NGF: variants seen among roughly 807,000 people sequenced by gnomAD.
The protein encoded by NGF is beta-nerve growth factor.
NGF carries 4 observed loss-of-function variants against 12.8 expected under a neutral mutation model. The observed-to-expected ratio is 0.31, with a 90% CI of 0.15 to 0.72. The LOEUF is 0.72. Ranked by LOEUF, NGF falls within the 30% of genes least tolerant of loss-of-function variation. The pLI, the probability that NGF is intolerant of heterozygous loss-of-function variation, is 0.69. For synonymous variants in NGF, 140 were observed against 130.0 expected (o/e 1.08, Z -0.52); for missense variants, 283 against 330.8 (o/e 0.86, Z 1.12).
chr1:115,321,723 G>A (rs902656143), intron 1 of NGF, among the ~76,000 whole-genome samples: 4 of 152,000 alleles, frequency 2.6e-5, no homozygotes, highest in South Asian at 4.2e-4. Flanking sequence ...AGGCCACAGG[G>A]TCATAAAAGA....
chr1:115,312,525 G>T (rs1654361675), intron 1 of NGF, among the ~76,000 whole-genome samples: 1 of 152,212 alleles, frequency 6.6e-6, no homozygotes, highest in Non-Finnish European at 1.5e-5. Flanking sequence ...TGTCAGCAAT[G>T]GAGGGGTCAC....
intron 1 of NGF, among the ~76,000 whole-genome samples, chr1:115,331,203 A>G (rs1458917914): frequency 6.6e-6 from 1 of 152,208 alleles, no homozygotes; most frequent in African/African-American, 2.4e-5. Flanking sequence ...ATTGCCCTCA[A>G]AAATCAGTTG....
intron 1 of NGF, among the ~76,000 whole-genome samples, chr1:115,301,526 A>C (rs767843641): frequency 6.6e-6 from 1 of 152,166 alleles, no homozygotes; most frequent in Non-Finnish European, 1.5e-5. Context: ...ATCTGGGTGC[A>C]GAAGAGAAAG....
At chr1:115,299,862 A>G (rs1166502883) in intron 1 of NGF, among the ~76,000 whole-genome samples, 2 of 152,160 alleles carry the variant, frequency 1.3e-5, no homozygotes, top group African/African-American at 4.8e-5. Context: ...TCCCATACTT[A>G]GGACTAATAG....
At chr1:115,289,693 T>G (rs1653624153) in intron 2 of NGF, among the ~76,000 whole-genome samples, 1 of 152,236 alleles carries the variant, frequency 6.6e-6, no homozygotes, top group Admixed American at 6.5e-5. Context: ...AGCCCCATTT[T>G]GGACCATTTG....
intron 2 of NGF, 99 bp from the exon 3 acceptor site, chr1:115,286,906 G>T: frequency 6.9e-7 from 1 of 1,441,376 alleles, no homozygotes. Context: ...AGGGGATCAC[G>T]AAGAGGTTTC....
intron 1 of NGF, among the ~76,000 whole-genome samples, chr1:115,295,012 T>C (rs955728362): frequency 6.6e-6 from 1 of 152,208 alleles, no homozygotes; most frequent in African/African-American, 2.4e-5. Flanking sequence ...AGTTCTAGAA[T>C]GACATCTTAA....
At chr1:115,333,677 C>G (rs1557949140) in intron 1 of NGF, among the ~76,000 whole-genome samples, 1 of 67,548 alleles carries the variant, frequency 1.5e-5, no homozygotes, top group African/African-American at 1.4e-4. Flanking sequence ...TTCTTTCTTT[C>G]TTTCTTTCTT....
intron 1 of NGF, among the ~76,000 whole-genome samples, chr1:115,295,246 G>A (rs1653830482): frequency 1.3e-5 from 2 of 152,138 alleles, no homozygotes; most frequent in Non-Finnish European, 2.9e-5. Flanking sequence ...CAAGTTACTA[G>A]AAATCATGAA....
chr1:115,303,710 CCAT>C lies in NGF; in HGVS notation c.-136-9963_-136-9961del, dbSNP rs148329311. The stretch of plus-strand genomic sequence containing the variant: ...ATCATCATGATCACCACCATCATCA[CCAT>C]CATCATCATCCCCATCACTTCCAAA... On this transcript the variant is annotated intron_variant, in intron 1 of 2. Coordinates refer to ENST00000369512, the MANE Select transcript of NGF (RefSeq NM_002506.3). 5.5e-4 allele frequency among the ~76,000 whole-genome samples: 84 copies of C among 152,268 alleles called. 1 individual carries two copies. The East Asian group carries it at 0.016, about 29-fold the overall frequency.
intron 1 of NGF, among the ~76,000 whole-genome samples, chr1:115,299,646 A>G (rs1653975298): frequency 6.6e-6 from 1 of 152,218 alleles, no homozygotes; most frequent in Non-Finnish European, 1.5e-5. Flanking sequence ...GGGCTAAATA[A>G]TAGTCCTTGT....
At chr1:115,289,449 TG>T (rs1236277075) in intron 2 of NGF, among the ~76,000 whole-genome samples, 1 of 152,186 alleles carries the variant, frequency 6.6e-6, no homozygotes, top group Non-Finnish European at 1.5e-5. Context: ...TCTCCTTTGG[TG>T]GGCTCCTCCT....
In NGF at chr1:115,286,541, G is replaced by C. The variant is rs1488557720; in HGVS notation, c.255C>G (p.Pro85=). 1 of 1,614,216 alleles carries C rather than the reference G, an allele frequency of 6.2e-7. No individual in the cohort carries two copies. Among genetic ancestry groups the C allele is most frequent in the East Asian group, 2.2e-5 (1 of 44,864 alleles). The stretch of plus-strand genomic sequence containing the variant: ...GAGGCTGGGTGCTAAACAGCACACG[G>C]GGTGAACGGAGTCGCCGCTTTTTAA... ...RLFKKRRLRS[P]RVLFSTQPPR... is the part of the protein sequence containing the mutation. The change falls in exon 3 of 3, where the codon CCC becomes CCG. Residue 85 remains proline, a synonymous_variant. Coordinates refer to ENST00000369512, the MANE Select transcript of NGF (RefSeq NM_002506.3).
chr1:115,301,287 A>G (rs1047556175), intron 1 of NGF, among the ~76,000 whole-genome samples: 14 of 152,138 alleles, frequency 9.2e-5, no homozygotes, highest in African/African-American at 3.1e-4. Context: ...ATCACCACAC[A>G]ATCACCGCAC....
chr1:115,296,312 A>T (rs1294751368), intron 1 of NGF, among the ~76,000 whole-genome samples: 1 of 152,216 alleles, frequency 6.6e-6, no homozygotes, highest in East Asian at 1.9e-4. Flanking sequence ...ACGTCTTCCT[A>T]TAGGACACAA....
intron 1 of NGF, among the ~76,000 whole-genome samples, chr1:115,328,834 T>C (rs1157540803): frequency 2.0e-5 from 3 of 152,162 alleles, no homozygotes; most frequent in African/African-American, 7.2e-5. Flanking sequence ...ATTACTGTTA[T>C]GGTCATGCTT....
At chr1:115,333,591 T>C (rs1269219568) in intron 1 of NGF, among the ~76,000 whole-genome samples, 2 of 151,558 alleles carry the variant, frequency 1.3e-5, no homozygotes, top group African/African-American at 4.9e-5. Context: ...TAGTTCCACC[T>C]GACAGATTTC....
intron 1 of NGF, among the ~76,000 whole-genome samples, chr1:115,330,650 C>A (rs996973118): frequency 6.6e-6 from 1 of 152,156 alleles, no homozygotes; most frequent in Non-Finnish European, 1.5e-5. Flanking sequence ...TTGGTTGAAT[C>A]ACATTTAGGT....
intron 1 of NGF, among the ~76,000 whole-genome samples, chr1:115,334,416 C>A (rs946632709): frequency 6.6e-6 from 1 of 152,144 alleles, no homozygotes; most frequent in African/African-American, 2.4e-5. Context: ...TCTAATAGCA[C>A]CTGTCCCTTC....
Sources: allele counts gnomAD v4.1 joint callset (sites outside exome capture counted in the v4.1 genomes callset), GRCh38; gene constraint gnomAD v4.1.1; transcripts MANE v1.5; gene names NCBI Gene and HGNC (gene_info 2026-07-23, HGNC 2026-07-21).